Variants in TRAPPC13 observed in about 807,000 individuals in gnomAD.
The protein encoded by TRAPPC13 is REV7-interacting novel NHEJ regulator 1.
In TRAPPC13, 39 loss-of-function variants were observed where a neutral mutation model predicts 54.0. That is an observed-to-expected ratio of 0.72 (90% CI 0.56 to 0.94). TRAPPC13 has a LOEUF of 0.94. TRAPPC13 is among the 40% of genes least tolerant of loss of function. The pLI, the probability that TRAPPC13 is intolerant of heterozygous loss-of-function variation, is 0.00. For synonymous variants in TRAPPC13, 148 were observed against 167.7 expected, an observed-to-expected ratio of 0.88 and a Z score of 0.91; for missense variants, 386 against 488.1, an observed-to-expected ratio of 0.79 and a Z score of 1.97.
chr5:65,663,725 T>A (rs1399441069), intron 11 of TRAPPC13: 1 of 152,380 alleles, frequency 6.6e-6, no homozygotes, highest in Non-Finnish European at 1.5e-5. Flanking sequence ...AGTAGTCTTT[T>A]CTTGGTAAAT....
chr5:65,637,007 G>A (rs1043014876), intron 3 of TRAPPC13, among the ~76,000 whole-genome samples: 49 of 152,176 alleles, frequency 3.2e-4, no homozygotes, highest in Admixed American at 2.0e-4. Flanking sequence ...CCCAATATCA[G>A]TAACTTAGAT....
intron 6 of TRAPPC13, 52 bp downstream of exon 6, chr5:65,650,934 TAGTATAC>T (rs765452173): frequency 2.5e-4 from 325 of 1,288,656 alleles, no homozygotes; most frequent in South Asian, 6.9e-4. Context: ...TTCTTCCTGG[TAGTATAC>T]AGTTATTCCC....
At chr5:65,647,637 C>T (rs538594953) in intron 5 of TRAPPC13, among the ~76,000 whole-genome samples, 5 of 152,016 alleles carry the variant, frequency 3.3e-5, no homozygotes, top group African/African-American at 1.2e-4. Flanking sequence ...ATTCTGTATT[C>T]CTGCCTTGTG....
intron 8 of TRAPPC13, among the ~76,000 whole-genome samples, chr5:65,657,347 A>T (rs537264323): frequency 6.6e-6 from 1 of 152,146 alleles, no homozygotes; most frequent in East Asian, 1.9e-4. Context: ...ACCCCACCAC[A>T]CTCCAGCCTG....
chr5:65,661,889 A>G, intron 10 of TRAPPC13, 161 bp from the exon 11 acceptor site: 1 of 514,318 alleles, frequency 1.9e-6, no homozygotes, highest in Non-Finnish European at 3.4e-6. Flanking sequence ...GCTGCAAAAG[A>G]ATTTAAAATG....
intron 1 of TRAPPC13, 106 bp downstream of exon 1, chr5:65,625,212 C>T (rs938008616): frequency 1.0e-6 from 1 of 964,434 alleles, no homozygotes; most frequent in Non-Finnish European, 1.7e-6. Context: ...TCAGTGCTCG[C>T]CCTCCTGCTC....
At chr5:65,661,516 A>C (rs1338859928) in intron 10 of TRAPPC13, 1 of 152,362 alleles carries the variant, frequency 6.6e-6, no homozygotes, top group Non-Finnish European at 1.5e-5. Context: ...TTGAGGCAAT[A>C]ATTTTTAAAA....
intron 1 of TRAPPC13, among the ~76,000 whole-genome samples, chr5:65,631,265 G>C (rs896745256): frequency 1.3e-5 from 2 of 152,214 alleles, no homozygotes; most frequent in Non-Finnish European, 2.9e-5. Context: ...CTCAGTGCCT[G>C]TCATGGTAGG....
rs757902970 is a variant in TRAPPC13 at position 65,655,692 on chromosome 5, TACTC to T, written c.564+42_564+45del. ...TTATTATAAATTTTTATACTTTTCT[TACTC>T]ACCACTTTTTGACTCTGCCTAATTA... On this transcript the variant is annotated intron_variant, in intron 8 of 12. Coordinates refer to ENST00000399438, the MANE Select transcript of TRAPPC13 (RefSeq NM_024941.4). 13 of 810,548 alleles carry T rather than the reference TACTC, an allele frequency of 1.6e-5. No individual in the cohort carries two copies. In the Admixed American group the frequency reaches 4.4e-4, roughly 27 times the overall value. The allele number at this position is 810,548 out of a possible 1,614,324, so 50.2% of individuals were successfully genotyped here.
At chr5:65,634,755 C>A (rs1755685201) in intron 1 of TRAPPC13, among the ~76,000 whole-genome samples, 1 of 151,642 alleles carries the variant, frequency 6.6e-6, no homozygotes, top group South Asian at 2.1e-4. Flanking sequence ...AAAAAATAAC[C>A]AGGCATGGTG....
chr5:65,627,651 GA>G, intron 1 of TRAPPC13, among the ~76,000 whole-genome samples: 1 of 151,748 alleles, frequency 6.6e-6, no homozygotes, highest in East Asian at 1.9e-4. Flanking sequence ...GTCATCCCTT[GA>G]GTATAACACT....
At chr5:65,630,667 A>G in intron 1 of TRAPPC13, 2 of 1,005,992 alleles carry the variant, frequency 2.0e-6, no homozygotes, top group Non-Finnish European at 2.4e-6. Flanking sequence ...CCTTACCTCA[A>G]GTGTAATTTT....
At chr5:65,650,679 C>A in intron 5 of TRAPPC13, 131 bp from the exon 6 acceptor site, 1 of 640,524 alleles carries the variant, frequency 1.6e-6, no homozygotes, top group Non-Finnish European at 2.7e-6. Flanking sequence ...ACTTTTTCCC[C>A]TGCTCTAATC....
At chr5:65,651,575 G>C (rs1756436294) in intron 6 of TRAPPC13, among the ~76,000 whole-genome samples, 1 of 149,630 alleles carries the variant, frequency 6.7e-6, no homozygotes, top group Non-Finnish European at 1.5e-5. Context: ...TTTAAGTTGA[G>C]TTTTGTATTA....
At chr5:65,654,622 T>G (rs1756581889) in intron 7 of TRAPPC13, among the ~76,000 whole-genome samples, 1 of 152,216 alleles carries the variant, frequency 6.6e-6, no homozygotes, top group South Asian at 2.1e-4. Context: ...CAGTAAGTGA[T>G]GCTTATTGCT....
Position 65,625,440 on chromosome 5 carries a change from CTT to C in TRAPPC13, c.46+335_46+336del, listed in dbSNP as rs145045458. On this transcript the variant is annotated intron_variant, in intron 1 of 12. Coordinates refer to ENST00000399438, the MANE Select transcript of TRAPPC13 (RefSeq NM_024941.4). ...TCCAAAGTGCTTTTTCCTTCTGTCT[CTT>C]GTTTCTTCCTGTGGCACTGACGAAG... 1.4e-3 allele frequency: 434 copies of C among 318,208 alleles called. 5 individuals carry two copies. Among genetic ancestry groups the C allele is most frequent in the African/African-American group, 8.8e-3 (414 of 47,088 alleles). The allele number at this position is 318,208 out of a possible 1,614,324, so 19.7% of individuals were successfully genotyped here. A position where few individuals can be genotyped will look rare whatever the true frequency, so the allele number is the denominator to read the frequency against.
intron 8 of TRAPPC13, 104 bp from the exon 9 acceptor site, chr5:65,658,264 C>T (rs1756720682): frequency 1.7e-6 from 2 of 1,158,276 alleles, no homozygotes; most frequent in African/African-American, 1.6e-5. Context: ...GAACTAATCA[C>T]ATTTGTGGTT....
intron 4 of TRAPPC13, among the ~76,000 whole-genome samples, chr5:65,643,829 A>AG (rs1315162000): frequency 3.1e-5 from 3 of 97,658 alleles, no homozygotes; most frequent in Admixed American, 1.9e-4. Context: ...AAAAAAAAAA[A>AG]AAAGAAAGAA....
intron 8 of TRAPPC13, among the ~76,000 whole-genome samples, chr5:65,657,179 C>T (rs997455922): frequency 6.6e-6 from 1 of 151,492 alleles, no homozygotes; most frequent in Non-Finnish European, 1.5e-5. Context: ...GTCAGGAGTT[C>T]TAGACCAGCC....
Sources: gnomAD v4.1 joint callset for allele counts (sites outside exome capture counted in the v4.1 genomes callset) on GRCh38, gnomAD v4.1.1 for gene constraint, MANE v1.5 for transcripts, NCBI Gene and HGNC (gene_info 2026-07-23, HGNC 2026-07-21) for gene names.